The following TMX1 variants were observed in gnomAD, a reference collection of about 807,000 sequenced individuals.
TMX1 encodes the protein thioredoxin related transmembrane protein 1.
TMX1 carries 25 observed loss-of-function variants against 36.6 expected under a neutral mutation model. That is an observed-to-expected ratio of 0.68 (90% CI 0.50 to 0.95). TMX1 has a LOEUF of 0.95. Among genes scored for constraint, TMX1 ranks in the 40% least tolerant of loss-of-function variants. The pLI, the probability that TMX1 is intolerant of heterozygous loss-of-function variation, is 0.00. For missense variants in TMX1, 347 were observed against 339.6 expected (o/e 1.02, Z -0.17); for synonymous variants, 133 against 118.0 (o/e 1.13, Z -0.82).
intron 7 of TMX1, among the ~76,000 whole-genome samples, chr14:51,253,430 A>T (rs1313006246): frequency 6.6e-6 from 1 of 152,224 alleles, no homozygotes; most frequent in Admixed American, 6.5e-5. Context: ...AGGCAGACTA[A>T]ACAACAGATG....
intron 4 of TMX1, among the ~76,000 whole-genome samples, chr14:51,248,247 G>GT (rs1411167596): frequency 1.3e-5 from 2 of 152,240 alleles, no homozygotes; most frequent in African/African-American, 4.8e-5. Flanking sequence ...TCTGGGAACA[G>GT]TGAGTTTTGC....
chr14:51,251,628 A>G (rs1238462571), intron 7 of TMX1, among the ~76,000 whole-genome samples: 1 of 152,146 alleles, frequency 6.6e-6, no homozygotes, highest in Non-Finnish European at 1.5e-5. Context: ...CCTGTCTCCC[A>G]AGAGTTTACT....
In TMX1 at chr14:51,241,132, G is replaced by C. The variant is rs138827150; in HGVS notation, c.152+688G>C. ...TTGTGACTCCTAGGTCTTTGTAAAT[G>C]GTATTACATTAAAAGATAATGTATT... On this transcript the variant is annotated intron_variant, in intron 1 of 7. Coordinates refer to ENST00000457354, the MANE Select transcript of TMX1 (RefSeq NM_030755.5). Among the ~76,000 whole-genome samples the C allele has an allele frequency of 2.2e-4, 34 of 151,930 alleles. 1 individual carries two copies. In the East Asian group the frequency reaches 6.4e-3, roughly 28 times the overall value.
Position 51,254,648 on chromosome 14 carries a change from AAG to A in TMX1, c.*132_*133del. ...TTCAGTCTAGATTGTCATTAAATTG[AAG>A]AGTCTACATTCAGAACATAAAAGCA... On this transcript the variant is annotated 3_prime_UTR_variant, in exon 8 of 8. Transcript: ENST00000457354. 1 of 777,314 alleles carries A rather than the reference AAG, an allele frequency of 1.3e-6. No individual in the cohort carries two copies. The allele number at this position is 777,314 out of a possible 1,614,324, so 48.2% of individuals were successfully genotyped here.
At chr14:51,250,844 T>C (rs1051840443) in intron 7 of TMX1, among the ~76,000 whole-genome samples, 6 of 152,206 alleles carry the variant, frequency 3.9e-5, no homozygotes, top group African/African-American at 1.4e-4. Flanking sequence ...AAATGAAGTC[T>C]ATGGAGATTG....
At chr14:51,244,221 A>G (rs1272952505) in intron 2 of TMX1, 2 of 281,606 alleles carry the variant, frequency 7.1e-6, no homozygotes, top group Non-Finnish European at 1.3e-5. Flanking sequence ...TCTTGAAGAC[A>G]TTACCCTCTT....
rs7160810 is a variant in TMX1 at position 51,249,749 on chromosome 14, G to A, written c.648G>A (p.Pro216=). ...LCPSKRRRPQ[P]YPYPSKKLLS... is the part of the protein sequence containing the mutation. ...CTTCAAAAAGGCGCAGACCACAGCC[G>A]TACCCATACCCTTCAAGTAAGTATA... Residue 216 remains proline (P), a synonymous_variant, in exon 7 of 8, where the codon CCG becomes CCA. Coordinates refer to ENST00000457354, the MANE Select transcript of TMX1 (RefSeq NM_030755.5). 1,219,965 of 1,609,672 alleles carry A rather than the reference G, an allele frequency of 0.76. 463,806 individuals are homozygous for A. Among genetic ancestry groups the A allele is most frequent in the Non-Finnish European group, 0.77 (906,362 of 1,176,754 alleles).
At chr14:51,244,568 C>T (rs906808244) in intron 2 of TMX1, among the ~76,000 whole-genome samples, 1 of 152,070 alleles carries the variant, frequency 6.6e-6, no homozygotes, top group Admixed American at 6.5e-5. Flanking sequence ...GGACAAGTGG[C>T]AGGTCCTGCC....
intron 1 of TMX1, among the ~76,000 whole-genome samples, chr14:51,241,231 T>A (rs1326641353): frequency 6.6e-6 from 1 of 152,240 alleles, no homozygotes; most frequent in Non-Finnish European, 1.5e-5. Flanking sequence ...TGTGGTGATT[T>A]CAATTTAATA....
At chr14:51,249,240 T>C (rs982854800) in intron 4 of TMX1, 86 bp from the exon 5 acceptor site, 11 of 1,105,664 alleles carry the variant, frequency 9.9e-6, no homozygotes, top group Non-Finnish European at 9.1e-6. Context: ...ATCTGTCATA[T>C]TGGGGAAATT....
chr14:51,251,694 ATCTTACCACTTAGAGCAAACTTGAG>A (rs968155720), intron 7 of TMX1, among the ~76,000 whole-genome samples: 4 of 152,200 alleles, frequency 2.6e-5, no homozygotes, highest in Non-Finnish European at 5.9e-5. Context: ...AGTCTGAGTC[ATCTTACCACTTAGAGCAAACTTGAG>A]AGTGTCTGAG....
At chr14:51,240,737 C>T (rs765966365) in intron 1 of TMX1, among the ~76,000 whole-genome samples, 10 of 152,162 alleles carry the variant, frequency 6.6e-5, no homozygotes, top group Non-Finnish European at 1.3e-4. Flanking sequence ...TTTTTCATGA[C>T]TTTGAGGATG....
At position 51,240,363 on chromosome 14, in the gene TMX1, C is replaced by T; in HGVS notation, c.71C>T (p.Thr24Met). The change falls in exon 1 of 8, where the codon ACG becomes ATG. Residue 24 changes from threonine (T) to methionine (M), a missense_variant. By Grantham distance (81) the Thr-to-Met change is moderately conservative (BLOSUM62 -1). Coordinates refer to ENST00000457354, the MANE Select transcript of TMX1 (RefSeq NM_030755.5). ...CTGTTGCTTTGGGGTGCTCCCTGGA[C>T]GCACGGGCGGCGGAGCAACGTTCGC... ...LVLLLWGAPW[T>M]HGRRSNVRVI... The T allele has an allele frequency of 6.2e-7, 1 of 1,614,002 alleles. No homozygotes were observed.
chr14:51,254,652 GT>G lies in TMX1; in HGVS notation c.*134del, dbSNP rs1438220781. 1 of 746,378 alleles carries G rather than the reference GT, an allele frequency of 1.3e-6. No homozygotes were observed. Among genetic ancestry groups the G allele is most frequent in the Non-Finnish European group, 2.1e-6 (1 of 481,264 alleles). The allele number at this position is 746,378 out of a possible 1,614,324, so 46.2% of individuals were successfully genotyped here. Reference sequence around the variant, plus strand: ...GTCTAGATTGTCATTAAATTGAAGAGTCTACATTCAGAACATAAAAGCACTA... The same window carrying G: ...GTCTAGATTGTCATTAAATTGAAGAGCTACATTCAGAACATAAAAGCACTA... On this transcript the variant is annotated 3_prime_UTR_variant, in exon 8 of 8. Coordinates refer to ENST00000457354, the MANE Select transcript of TMX1 (RefSeq NM_030755.5).
At chr14:51,250,921 G>T (rs1007536399) in intron 7 of TMX1, among the ~76,000 whole-genome samples, 5 of 152,046 alleles carry the variant, frequency 3.3e-5, no homozygotes, top group Admixed American at 3.3e-4. Context: ...TAGTTGCATT[G>T]ATACTAAAAA....
intron 3 of TMX1, 102 bp from the exon 4 acceptor site, chr14:51,246,990 T>C: frequency 9.3e-7 from 1 of 1,077,460 alleles, no homozygotes; most frequent in Non-Finnish European, 1.3e-6. Flanking sequence ...TGCTAATGCT[T>C]TTGAATGTTA....
At chr14:51,245,704 C>A in intron 3 of TMX1, 1 of 351,714 alleles carries the variant, frequency 2.8e-6, no homozygotes, top group Non-Finnish European at 5.4e-6. Flanking sequence ...TGGATTGGTT[C>A]CCAGAGAATA....
chr14:51,243,805 G>T, intron 1 of TMX1, 51 bp from the exon 2 acceptor site: 1 of 1,264,274 alleles, frequency 7.9e-7, no homozygotes, highest in Non-Finnish European at 1.1e-6. Flanking sequence ...CAAGATAAAT[G>T]GTCATACTAA....
chr14:51,251,039 G>T (rs909168734), intron 7 of TMX1, among the ~76,000 whole-genome samples: 1 of 152,096 alleles, frequency 6.6e-6, no homozygotes, highest in African/African-American at 2.4e-5. Flanking sequence ...TTAGGTTTAA[G>T]GTTTTTGAAG....
Sources: gnomAD v4.1 joint callset for allele counts (sites outside exome capture counted in the v4.1 genomes callset) on GRCh38, gnomAD v4.1.1 for gene constraint, MANE v1.5 for transcripts, NCBI Gene and HGNC (gene_info 2026-07-23, HGNC 2026-07-21) for gene names.